The following MALRD1 variants were observed in gnomAD, a reference collection of about 807,000 sequenced individuals.
MALRD1 encodes the protein MAM and LDL receptor class A domain containing 1.
In MALRD1, 247 loss-of-function variants were observed where a neutral mutation model predicts 242.1. The observed-to-expected ratio is 1.02, with a 90% CI of 0.92 to 1.13. The LOEUF is 1.13. MALRD1 is among the 50% of genes most tolerant of loss of function. The pLI is 0.00. For missense variants in MALRD1, 2,989 were observed against 2,533.1 expected (o/e 1.18, Z -3.86); for synonymous variants, 995 against 866.6 (o/e 1.15, Z -2.60).
intron 18 of MALRD1, among the ~76,000 whole-genome samples, chr10:19,213,272 T>C (rs1837155338): frequency 1.3e-5 from 2 of 152,190 alleles, no homozygotes; most frequent in South Asian, 4.1e-4. Flanking sequence ...TCTGTTCATG[T>C]TTTTAAAAAT....
intron 26 of MALRD1, 113 bp downstream of exon 26, chr10:19,352,410 A>T: frequency 1.1e-6 from 1 of 940,126 alleles, no homozygotes. Context: ...CACTTTCATA[A>T]AGAAAATATA....
At position 19,238,503 on chromosome 10, in the gene MALRD1, AATATATAATGTATAT is replaced by A. The variant is rs1838564886; in HGVS notation, c.2992-19180_2992-19166del. On this transcript the variant is annotated intron_variant, in intron 18 of 39. Transcript: ENST00000454679. ...ATACATTATATATAATATATAATAT[AATATATAATGTATAT>A]TATATATAATATACATTATATATAA... Among the ~76,000 whole-genome samples, 4 of 42,180 alleles carry A rather than the reference AATATATAATGTATAT, an allele frequency of 9.5e-5. No homozygotes were observed. In the South Asian group the frequency reaches 1.6e-3, roughly 17 times the overall value. The allele number at this position is 42,180 out of a possible 152,430, so 27.7% of individuals were successfully genotyped here. A position where few individuals can be genotyped will look rare whatever the true frequency, so the allele number is the denominator to read the frequency against.
chr10:19,058,044 C>A (rs960634193), intron 1 of MALRD1, among the ~76,000 whole-genome samples: 29 of 152,088 alleles, frequency 1.9e-4, no homozygotes, highest in African/African-American at 6.8e-4. Context: ...TACTGTATGC[C>A]AAGCACTGTT....
At chr10:19,281,320 A>T (rs1487997929) in intron 20 of MALRD1, among the ~76,000 whole-genome samples, 2 of 152,150 alleles carry the variant, frequency 1.3e-5, no homozygotes, top group African/African-American at 4.8e-5. Flanking sequence ...TTATGATCTT[A>T]TATAAGTTGT....
chr10:19,670,802 A>T (rs1050899107), intron 36 of MALRD1, among the ~76,000 whole-genome samples: 14 of 151,972 alleles, frequency 9.2e-5, no homozygotes, highest in African/African-American at 3.4e-4. Context: ...TGCTATCCTG[A>T]TTCTTAATAC....
At chr10:19,341,281 G>T (rs894381527) in intron 24 of MALRD1, among the ~76,000 whole-genome samples, 1 of 151,698 alleles carries the variant, frequency 6.6e-6, no homozygotes, top group African/African-American at 2.4e-5. Flanking sequence ...CATTCATTCA[G>T]CAAGTGTTTA....
At chr10:19,681,210 A>G (rs1028452953) in intron 36 of MALRD1, among the ~76,000 whole-genome samples, 1 of 152,098 alleles carries the variant, frequency 6.6e-6, no homozygotes, top group Non-Finnish European at 1.5e-5. Context: ...CTGTCTTGCT[A>G]GGTTCGGGAA....
At chr10:19,159,935 C>T (rs1834325256) in intron 12 of MALRD1, among the ~76,000 whole-genome samples, 1 of 151,894 alleles carries the variant, frequency 6.6e-6, no homozygotes, top group African/African-American at 2.4e-5. Flanking sequence ...CATAAGAATA[C>T]AATTAAAAAT....
intron 20 of MALRD1, among the ~76,000 whole-genome samples, 200 bp from the exon 21 acceptor site, chr10:19,282,809 ATATTTTTTCC>A (rs1357584466): frequency 1.7e-5 from 2 of 119,082 alleles, no homozygotes; most frequent in Non-Finnish European, 3.9e-5. Flanking sequence ...ATTTTTTCCT[ATATTTTTTCC>A]TATAAATATT....
At position 19,165,731 on chromosome 10, in the gene MALRD1, T is replaced by G; in HGVS notation, c.1751T>G (p.Ile584Ser). 8.1e-7 allele frequency: 1 copy of G among 1,231,694 alleles called. No individual in the cohort carries two copies. Among genetic ancestry groups the G allele is most frequent in the Non-Finnish European group, 1.0e-6 (1 of 987,942 alleles). 76.3% of individuals were successfully genotyped at this position (1,231,694 alleles called of 1,614,324 possible). ...AACTTGCAAAAGCAGGGCAAAATAA[T>G]CAGATTCTCCGAATCTCAGTGGAGC... ...DGNLQKQGKIIRFSESQWSHA... is the reference protein window; with the variant it reads ...DGNLQKQGKISRFSESQWSHA... The change falls in exon 13 of 40, where the codon ATC (isoleucine) becomes AGC (serine). Residue 584 changes from isoleucine to serine, a missense_variant. Physicochemically the swap from Ile to Ser is moderately radical, Grantham distance 142 (BLOSUM62 -2). Transcript: ENST00000454679.
chr10:19,596,773 G>C (rs79357001), intron 34 of MALRD1, among the ~76,000 whole-genome samples: 1 of 148,442 alleles, frequency 6.7e-6, no homozygotes, highest in African/African-American at 2.5e-5. Flanking sequence ...GAAAGAAAGA[G>C]AGAAAGAGAG....
At chr10:19,541,336 G>A (rs1834959482) in intron 32 of MALRD1, among the ~76,000 whole-genome samples, 2 of 152,158 alleles carry the variant, frequency 1.3e-5, no homozygotes, top group African/African-American at 4.8e-5. Flanking sequence ...GTAGGGAGAT[G>A]TGTGTAGAAG....
At chr10:19,338,746 C>T (rs138026572) in intron 24 of MALRD1, among the ~76,000 whole-genome samples, 21 of 145,764 alleles carry the variant, frequency 1.4e-4, no homozygotes, top group African/African-American at 5.2e-4. Context: ...CTTTGAATTA[C>T]GAACAATTCA....
intron 19 of MALRD1, among the ~76,000 whole-genome samples, chr10:19,275,997 T>G (rs957807158): frequency 5.3e-5 from 8 of 152,234 alleles, no homozygotes; most frequent in Non-Finnish European, 7.3e-5. Context: ...CCATTCTCTC[T>G]TGAAATTAAC....
intron 33 of MALRD1, among the ~76,000 whole-genome samples, chr10:19,592,575 G>A (rs1312564676): frequency 6.6e-6 from 1 of 152,144 alleles, no homozygotes; most frequent in East Asian, 1.9e-4. Flanking sequence ...GTTATACGCA[G>A]GACAAGCCCA....
chr10:19,287,546 C>A (rs1374269075), intron 21 of MALRD1, among the ~76,000 whole-genome samples: 1 of 151,956 alleles, frequency 6.6e-6, no homozygotes, highest in Non-Finnish European at 1.5e-5. Context: ...GTTTTCTTAT[C>A]TTTTTTTCTG....
intron 32 of MALRD1, among the ~76,000 whole-genome samples, chr10:19,552,732 G>A (rs74122004): frequency 0.021 from 3,178 of 152,022 alleles, 61 homozygotes; most frequent in East Asian, 0.1. Context: ...AAATTATTTT[G>A]TTTTTCTTTT....
intron 36 of MALRD1, among the ~76,000 whole-genome samples, chr10:19,674,299 A>G (rs946569456): frequency 3.3e-5 from 5 of 152,188 alleles, no homozygotes; most frequent in Non-Finnish European, 7.3e-5. Flanking sequence ...AAGCCTAGCA[A>G]ATAGAAGGTA....
intron 29 of MALRD1, among the ~76,000 whole-genome samples, chr10:19,464,995 C>A (rs1819478): frequency 0.82 from 121,746 of 147,614 alleles, 49,829 homozygotes; most frequent in East Asian, 1. Context: ...TGGTTGAGTT[C>A]TTGATTTGAT....
Sources: allele counts gnomAD v4.1 joint callset (sites outside exome capture counted in the v4.1 genomes callset), GRCh38; gene constraint gnomAD v4.1.1; transcripts MANE v1.5; gene names NCBI Gene and HGNC (gene_info 2026-07-23, HGNC 2026-07-21).